Variants in GALNT13 observed in about 807,000 individuals in gnomAD.
The protein encoded by GALNT13 is polypeptide N-acetylgalactosaminyltransferase 13.
A neutral mutation model predicts 64.2 loss-of-function variants in GALNT13; 28 were observed. The observed-to-expected ratio is 0.44, with a 90% CI of 0.32 to 0.60. The LOEUF (loss-of-function observed/expected upper bound fraction) is 0.60. Ranked by LOEUF, GALNT13 falls within the 20% of genes least tolerant of loss-of-function variation. The pLI is 0.05. For missense variants in GALNT13, 577 were observed against 669.8 expected, an observed-to-expected ratio of 0.86 and a Z score of 1.53; for synonymous variants, 214 against 224.6, an observed-to-expected ratio of 0.95 and a Z score of 0.42.
the GALNT13 span, among the ~76,000 whole-genome samples, chr2:153,317,388 G>A: frequency 6.6e-6 from 1 of 152,040 alleles, no homozygotes; most frequent in Admixed American, 6.6e-5. Flanking sequence ...AAAGTTCTTT[G>A]ACTTCTCACC....
At chr2:153,214,345 C>T in the GALNT13 span, among the ~76,000 whole-genome samples, 1 of 152,090 alleles carries the variant, frequency 6.6e-6, no homozygotes, top group East Asian at 1.9e-4. Context: ...ATATATAGTC[C>T]TTCTGTATAG....
At chr2:154,310,575 TC>T (rs1445784485) in intron 9 of GALNT13, among the ~76,000 whole-genome samples, 6 of 152,168 alleles carry the variant, frequency 3.9e-5, no homozygotes, top group African/African-American at 1.4e-4. Flanking sequence ...CATGGATATA[TC>T]AAAACTTATT....
At chr2:153,562,284 C>T in the GALNT13 span, among the ~76,000 whole-genome samples, 1 of 151,888 alleles carries the variant, frequency 6.6e-6, no homozygotes, top group East Asian at 1.9e-4. Context: ...GTTTTTTTAT[C>T]AGTACTATCA....
intron 1 of GALNT13, among the ~76,000 whole-genome samples, chr2:153,889,987 T>C (rs1687447643): frequency 6.6e-6 from 1 of 151,762 alleles, no homozygotes; most frequent in East Asian, 2.0e-4. Context: ...TTGCTTCCTG[T>C]GAAGTGTCTG....
the GALNT13 span, among the ~76,000 whole-genome samples, chr2:153,766,331 C>T: frequency 2.0e-5 from 3 of 151,908 alleles, no homozygotes; most frequent in Non-Finnish European, 4.4e-5. Context: ...TATTATGTCC[C>T]ATGGCAATCT....
the GALNT13 span, among the ~76,000 whole-genome samples, chr2:153,512,930 A>G: frequency 1.2e-4 from 19 of 152,200 alleles, no homozygotes; most frequent in Non-Finnish European, 2.5e-4. Context: ...AGGTTTCTGT[A>G]GCATCAGTTC....
chr2:153,283,084 A>G, the GALNT13 span, among the ~76,000 whole-genome samples: 28 of 152,180 alleles, frequency 1.8e-4, no homozygotes, highest in Non-Finnish European at 3.1e-4. Flanking sequence ...TTCCTCAGGC[A>G]ATGGGGTGAT....
chr2:153,701,476 A>T, the GALNT13 span, among the ~76,000 whole-genome samples: 2 of 152,246 alleles, frequency 1.3e-5, no homozygotes, highest in Non-Finnish European at 2.9e-5. Context: ...GTTGCAACAG[A>T]AGCTAAAATT....
At chr2:154,295,234 T>C (rs918476222) in intron 8 of GALNT13, among the ~76,000 whole-genome samples, 10 of 152,136 alleles carry the variant, frequency 6.6e-5, no homozygotes, top group Middle Eastern at 3.4e-3. Flanking sequence ...ATGACTTTTT[T>C]CCCCCCAATT....
the GALNT13 span, among the ~76,000 whole-genome samples, chr2:153,330,276 A>G: frequency 6.6e-6 from 1 of 152,186 alleles, no homozygotes; most frequent in African/African-American, 2.4e-5. Context: ...TTTTGGTTCC[A>G]TATGAGTTTT....
chr2:153,487,727 G>T, the GALNT13 span, among the ~76,000 whole-genome samples: 1 of 152,232 alleles, frequency 6.6e-6, no homozygotes, highest in East Asian at 1.9e-4. Flanking sequence ...CATGCCAAAT[G>T]CACCAAGGCA....
the GALNT13 span, among the ~76,000 whole-genome samples, chr2:153,835,680 AAAAG>A: frequency 6.6e-6 from 1 of 152,088 alleles, no homozygotes; most frequent in African/African-American, 2.4e-5. Context: ...TTCATAATAT[AAAAG>A]AGTGAATTTC....
the GALNT13 span, among the ~76,000 whole-genome samples, chr2:153,297,783 T>G: frequency 6.6e-6 from 1 of 152,206 alleles, no homozygotes; most frequent in South Asian, 2.1e-4. Flanking sequence ...GTGGATGTGC[T>G]GAGTTTAGGG....
At chr2:154,112,284 C>T (rs146798499) in intron 3 of GALNT13, among the ~76,000 whole-genome samples, 183 of 152,262 alleles carry the variant, frequency 1.2e-3, no homozygotes, top group African/African-American at 4.1e-3. Flanking sequence ...GCTGAGCCCA[C>T]GTATAACCTC....
At chr2:153,690,387 C>G in the GALNT13 span, among the ~76,000 whole-genome samples, 1 of 152,224 alleles carries the variant, frequency 6.6e-6, no homozygotes, top group South Asian at 2.1e-4. Flanking sequence ...TCAAGCCTCT[C>G]TGATCCAATA....
the GALNT13 span, among the ~76,000 whole-genome samples, chr2:153,676,596 G>A: frequency 1.3e-5 from 2 of 152,016 alleles, no homozygotes; most frequent in Admixed American, 6.6e-5. Context: ...GATAAACATA[G>A]AGGCAAAAAT....
chr2:154,252,601 C>T (rs1690133241), intron 7 of GALNT13, among the ~76,000 whole-genome samples: 1 of 152,096 alleles, frequency 6.6e-6, no homozygotes, highest in South Asian at 2.1e-4. Context: ...CGTGATCCGC[C>T]TGCCTCAGCC....
chr2:153,198,439 A>G, the GALNT13 span, among the ~76,000 whole-genome samples: 2 of 152,150 alleles, frequency 1.3e-5, no homozygotes, highest in African/African-American at 4.8e-5. Flanking sequence ...TGGCTGGACT[A>G]TACACCTCTC....
chr2:154,364,414 C>G (rs1697245750), intron 9 of GALNT13, among the ~76,000 whole-genome samples: 1 of 151,944 alleles, frequency 6.6e-6, no homozygotes, highest in Admixed American at 6.6e-5. Flanking sequence ...TTTACAAGTT[C>G]AAGGGAGAAT....
Sources: allele counts gnomAD v4.1 joint callset (sites outside exome capture counted in the v4.1 genomes callset), GRCh38; gene constraint gnomAD v4.1.1; transcripts MANE v1.5; gene names NCBI Gene and HGNC (gene_info 2026-07-23, HGNC 2026-07-21).